Variants in TNIK observed in about 807,000 individuals in gnomAD.
The protein encoded by TNIK is TRAF2 and NCK interacting kinase, also known as TRAF2 and NCK-interacting protein kinase.
Under a neutral mutation model 191.3 loss-of-function variants are expected in TNIK, and 49 were observed. The ratio of observed to expected loss-of-function variants is 0.26; its 90% CI spans 0.20 to 0.32. The LOEUF (loss-of-function observed/expected upper bound fraction) is 0.32, where lower values mean the gene tolerates loss of function less well. TNIK is among the 10% of genes least tolerant of loss of function. TNIK has a pLI of 1.00. For synonymous variants in TNIK, 594 were observed against 600.9 expected (o/e 0.99, Z 0.17); for missense variants, 1,155 against 1,702.3 (o/e 0.68, Z 5.66).
chr3:171,095,578 C>T (rs989811282), intron 22 of TNIK, among the ~76,000 whole-genome samples: 1 of 151,994 alleles, frequency 6.6e-6, no homozygotes, highest in African/African-American at 2.4e-5. Flanking sequence ...TATCTCTGGC[C>T]TCTTGGATCT....
At chr3:171,218,421 C>T (rs956904488) in intron 3 of TNIK, among the ~76,000 whole-genome samples, 1 of 151,910 alleles carries the variant, frequency 6.6e-6, no homozygotes, top group Non-Finnish European at 1.5e-5. Context: ...TTAAACCTAG[C>T]AATAATGTCA....
At chr3:171,082,008 A>AAT (rs1161965603) in intron 27 of TNIK, among the ~76,000 whole-genome samples, 1 of 152,186 alleles carries the variant, frequency 6.6e-6, no homozygotes, top group East Asian at 1.9e-4. Context: ...AAGAGCTATA[A>AAT]ATATATAGCC....
At chr3:171,177,301 T>C in intron 8 of TNIK, 25 bp downstream of exon 8, 2 of 1,599,112 alleles carry the variant, frequency 1.3e-6, no homozygotes. Context: ...CAGCAACAGA[T>C]TTCACCCCAG....
chr3:171,267,890 C>T (rs897118987), intron 2 of TNIK, among the ~76,000 whole-genome samples: 2 of 152,172 alleles, frequency 1.3e-5, no homozygotes, highest in Non-Finnish European at 1.5e-5. Flanking sequence ...CTAGGACCTA[C>T]GGATTCAACA....
rs5854415 is a variant in TNIK at position 171,312,113 on chromosome 3, T to TAAAAAAA, written c.123+57500_123+57506dup. ...GCTGTCCCTAACGGCAGCTCCAGAT[T>TAAAAAAA]AAAAAAAAAAAAAAAAAAAAAAAAA... On this transcript the variant is annotated intron_variant, in intron 2 of 32. Transcript: ENST00000436636. 1.3e-4 allele frequency among the ~76,000 whole-genome samples: 3 copies of TAAAAAAA among 22,552 alleles called. 1 individual carries two copies. Among genetic ancestry groups the TAAAAAAA allele is most frequent in the Non-Finnish European group, 2.3e-4 (3 of 13,058 alleles). The allele number at this position is 22,552 out of a possible 152,430, so 14.8% of individuals were successfully genotyped here.
intron 4 of TNIK, among the ~76,000 whole-genome samples, chr3:171,195,424 T>C (rs995151576): frequency 6.6e-6 from 1 of 152,202 alleles, no homozygotes; most frequent in Non-Finnish European, 1.5e-5. Flanking sequence ...TAGGTACTTA[T>C]ATATTTTTTA....
intron 19 of TNIK, 41 bp from the exon 20 acceptor site, chr3:171,108,203 C>CAA: frequency 6.8e-7 from 1 of 1,466,334 alleles, no homozygotes; most frequent in Non-Finnish European, 9.1e-7. Context: ...AGATGGCCAT[C>CAA]AAAAAGTGCT....
chr3:171,106,374 G>A lies in TNIK; in HGVS notation c.2406+809C>T, dbSNP rs1199193100. On this transcript the variant is annotated intron_variant, in intron 21 of 32. Coordinates refer to ENST00000436636, the MANE Select transcript of TNIK (RefSeq NM_015028.4). Reference sequence around the variant, plus strand: ...TAGTCTCAGCCAGTTATTTACTGGGGGAGCCAAGATTTGAATGCAGCTTGC... The same window carrying A: ...TAGTCTCAGCCAGTTATTTACTGGGAGAGCCAAGATTTGAATGCAGCTTGC... Among the ~76,000 whole-genome samples, 8 of 152,150 alleles carry A rather than the reference G, an allele frequency of 5.3e-5. No homozygotes were observed. The East Asian group carries it at 9.6e-4, about 18-fold the overall frequency.
At chr3:171,178,642 G>A (rs1451001725) in intron 7 of TNIK, among the ~76,000 whole-genome samples, 1 of 152,156 alleles carries the variant, frequency 6.6e-6, no homozygotes, top group Non-Finnish European at 1.5e-5. Flanking sequence ...GGAAAACCTG[G>A]TTAGAAAACA....
At chr3:171,200,893 A>G (rs1739319210) in intron 4 of TNIK, among the ~76,000 whole-genome samples, 1 of 152,190 alleles carries the variant, frequency 6.6e-6, no homozygotes. Context: ...TCACAATTGC[A>G]GATACTTACC....
At chr3:171,313,143 T>A (rs1013698515) in intron 2 of TNIK, among the ~76,000 whole-genome samples, 2 of 152,188 alleles carry the variant, frequency 1.3e-5, no homozygotes, top group Admixed American at 1.3e-4. Context: ...GTTTATAAAC[T>A]CAAAACCAGG....
intron 2 of TNIK, among the ~76,000 whole-genome samples, chr3:171,347,391 T>TCACACACACACACACACA (rs150384769): frequency 6.2e-5 from 9 of 146,070 alleles, no homozygotes; most frequent in Admixed American, 1.4e-4. Flanking sequence ...GAAGTGCCTA[T>TCACACACACACACACACA]CACACACACA....
intron 28 of TNIK, among the ~76,000 whole-genome samples, chr3:171,078,410 A>G (rs1720258627): frequency 3.3e-5 from 5 of 150,466 alleles, no homozygotes. Context: ...TACATTTTTT[A>G]TTTCTGCCAA....
chr3:171,182,072 C>T (rs1294545726), intron 7 of TNIK, among the ~76,000 whole-genome samples: 1 of 151,636 alleles, frequency 6.6e-6, no homozygotes, highest in African/African-American at 2.4e-5. Flanking sequence ...AACCAAAGGT[C>T]ATATCACCAC....
chr3:171,144,292 A>G (rs1432372207), intron 12 of TNIK, among the ~76,000 whole-genome samples: 2 of 152,196 alleles, frequency 1.3e-5, no homozygotes, highest in Non-Finnish European at 2.9e-5. Flanking sequence ...AAAGTTTTCC[A>G]GGCCCTAACA....
intron 1 of TNIK, among the ~76,000 whole-genome samples, chr3:171,371,446 T>C (rs1388730919): frequency 1.3e-5 from 2 of 152,154 alleles, no homozygotes; most frequent in African/African-American, 2.4e-5. Flanking sequence ...TGAGAAAGAT[T>C]GGAGTTAGCA....
intron 4 of TNIK, among the ~76,000 whole-genome samples, chr3:171,207,447 G>A (rs1740238791): frequency 1.3e-5 from 2 of 151,814 alleles, no homozygotes; most frequent in Non-Finnish European, 1.5e-5. Context: ...AACCCTCCCA[G>A]CCTTGGTCTC....
At chr3:171,361,642 A>T (rs1714989604) in intron 2 of TNIK, among the ~76,000 whole-genome samples, 1 of 152,174 alleles carries the variant, frequency 6.6e-6, no homozygotes, top group Non-Finnish European at 1.5e-5. Context: ...GCAAAACTAC[A>T]CTTTAAGAAC....
chr3:171,085,413 T>C (rs1721220494), intron 24 of TNIK, among the ~76,000 whole-genome samples, 184 bp from the exon 25 acceptor site: 1 of 152,354 alleles, frequency 6.6e-6, no homozygotes, highest in South Asian at 2.1e-4. Context: ...TACTCACTAG[T>C]CATTGTGCAT....
Sources: allele counts gnomAD v4.1 joint callset (sites outside exome capture counted in the v4.1 genomes callset), GRCh38; gene constraint gnomAD v4.1.1; transcripts MANE v1.5; gene names NCBI Gene and HGNC (gene_info 2026-07-23, HGNC 2026-07-21).